Variants in WASF2 observed in about 807,000 individuals in gnomAD.
The protein encoded by WASF2 is WASP family member 2.
A neutral mutation model predicts 45.0 loss-of-function variants in WASF2; 14 were observed. The observed-to-expected ratio is 0.31, with a 90% confidence interval of 0.21 to 0.49. The LOEUF (loss-of-function observed/expected upper bound fraction) is 0.49. Among genes scored for constraint, WASF2 ranks in the 20% least tolerant of loss-of-function variants. WASF2 has a pLI of 0.99. For missense variants in WASF2, 439 were observed against 636.1 expected, an observed-to-expected ratio of 0.69 and a Z score of 3.33; for synonymous variants, 200 against 236.3, an observed-to-expected ratio of 0.85 and a Z score of 1.41.
intron 1 of WASF2, among the ~76,000 whole-genome samples, chr1:27,488,669 T>C (rs915702413): frequency 6.6e-6 from 1 of 152,242 alleles, no homozygotes; most frequent in African/African-American, 2.4e-5. Flanking sequence ...GCTGGACTTA[T>C]AATTAACCTT....
Position 27,408,350 on chromosome 1 carries a change from G to A in WASF2, c.1340-4C>T. On this transcript the variant is annotated splice_region_variant and splice_polypyrimidine_tract_variant and intron_variant, in intron 8 of 8. Transcript: ENST00000618852. The stretch of plus-strand genomic sequence containing the variant: ...TCAACCCTGCGCAGCTGAAAACCTA[G>A]TGGCAAAGAGACAGAAGGGTGAGGA... 1 of 1,614,186 alleles carries A rather than the reference G, an allele frequency of 6.2e-7. No individual in the cohort carries two copies. The highest frequency in any genetic ancestry group is 8.5e-7 in the Non-Finnish European group (1 of 1,180,018).
chr1:27,434,043 T>C (rs1210151675), intron 1 of WASF2, among the ~76,000 whole-genome samples: 3 of 152,208 alleles, frequency 2.0e-5, no homozygotes, highest in Non-Finnish European at 4.4e-5. Flanking sequence ...GGTCTTACCT[T>C]GGGAGATGTC....
chr1:27,485,940 G>A (rs2017917542), intron 1 of WASF2, among the ~76,000 whole-genome samples: 1 of 152,182 alleles, frequency 6.6e-6, no homozygotes, highest in African/African-American at 2.4e-5. Context: ...TCGAACTCCT[G>A]ACCTTGTGAT....
chr1:27,458,064 C>T (rs919308878), intron 1 of WASF2, among the ~76,000 whole-genome samples: 1 of 151,848 alleles, frequency 6.6e-6, no homozygotes, highest in African/African-American at 2.4e-5. Flanking sequence ...AATCCCAGCA[C>T]TTTGGGAGGC....
rs12048144 is a variant in WASF2, at chr1:27,412,975, C to T, written c.669-248G>A. Among the ~76,000 whole-genome samples the T allele has an allele frequency of 7.6e-3, 1,157 of 152,270 alleles. 115 individuals are homozygous for T. In the East Asian group the frequency reaches 0.21, roughly 27 times the overall value. On this transcript the variant is annotated intron_variant, in intron 6 of 8. Transcript: ENST00000618852. ...CAGGATTCAACCCAGATTATCAAAA[C>T]CATGCTGTTCCTTGCCCAGTGTTGG...
chr1:27,478,156 G>A (rs1228077228), intron 1 of WASF2, among the ~76,000 whole-genome samples: 1 of 151,140 alleles, frequency 6.6e-6, no homozygotes, highest in African/African-American at 2.4e-5. Context: ...GTTGCAGCGA[G>A]CCGAGATCCT....
intron 1 of WASF2, among the ~76,000 whole-genome samples, chr1:27,488,481 A>G (rs2017977320): frequency 6.6e-6 from 1 of 152,220 alleles, no homozygotes; most frequent in South Asian, 2.1e-4. Flanking sequence ...GAAGAAGCGA[A>G]TGGGCTGGCA....
intron 1 of WASF2, among the ~76,000 whole-genome samples, chr1:27,488,522 A>C (rs574520899): frequency 6.6e-6 from 1 of 152,304 alleles, no homozygotes; most frequent in Non-Finnish European, 1.5e-5. Flanking sequence ...GTCTATATAC[A>C]CCAATAGCTG....
chr1:27,414,720 TA>T lies in WASF2; in HGVS notation c.668+112del. On this transcript the variant is annotated intron_variant, in intron 6 of 8. Transcript: ENST00000618852. The surrounding 1 kb of genome is among the most constrained non-coding windows in gnomAD (Gnocchi z 4.1). The stretch of plus-strand genomic sequence containing the variant: ...TAGCTGATTAACAGTGGTATTGATC[TA>T]AGCCACAGAGACAGACTTCAGGGGG... The T allele has an allele frequency of 2.1e-6, 3 of 1,414,604 alleles. No individual in the cohort carries two copies. Among genetic ancestry groups the T allele is most frequent in the Non-Finnish European group, 2.9e-6 (3 of 1,044,412 alleles). The allele number at this position is 1,414,604 out of a possible 1,614,324, so 87.6% of individuals were successfully genotyped here. A position where few individuals can be genotyped will look rare whatever the true frequency, so the allele number is the denominator to read the frequency against.
intron 2 of WASF2, among the ~76,000 whole-genome samples, chr1:27,424,879 G>A (rs1331664211): frequency 6.6e-6 from 1 of 152,128 alleles, no homozygotes; most frequent in East Asian, 1.9e-4. Flanking sequence ...CATGTAACGG[G>A]AGCTCAGAGG....
intron 1 of WASF2, among the ~76,000 whole-genome samples, chr1:27,429,930 T>A (rs1239003775): frequency 1.3e-5 from 2 of 152,172 alleles, no homozygotes; most frequent in Admixed American, 6.5e-5. Context: ...GATTCCCTGG[T>A]GCTTTCTCTT....
intron 1 of WASF2, among the ~76,000 whole-genome samples, chr1:27,444,280 A>C (rs570530785): frequency 6.6e-6 from 1 of 152,062 alleles, no homozygotes; most frequent in East Asian, 1.9e-4. Flanking sequence ...GGGTCTTACT[A>C]TGTTGCCCTG....
At position 27,490,073 on chromosome 1, in the gene WASF2, C is replaced by A. The variant is rs535805067; in HGVS notation, c.-131G>T. 4 of 152,326 alleles carry A rather than the reference C, an allele frequency of 2.6e-5. No individual in the cohort carries two copies. Among genetic ancestry groups the A allele is most frequent in the African/African-American group, 9.6e-5 (4 of 41,572 alleles). 9.4% of individuals were successfully genotyped at this position (152,326 alleles called of 1,614,324 possible). A position where few individuals can be genotyped will look rare whatever the true frequency, so the allele number is the denominator to read the frequency against. ...GAGTGTGCTCCCGCGGACCGCCTCGCGGGCTGCCAAACGGCCGGACCCCCT... is the reference window on the plus strand; with the variant it reads ...GAGTGTGCTCCCGCGGACCGCCTCGAGGGCTGCCAAACGGCCGGACCCCCT... On this transcript the variant is annotated 5_prime_UTR_variant, in exon 1 of 9. Transcript: ENST00000618852.
At chr1:27,425,767 A>G (rs923234719) in intron 2 of WASF2, among the ~76,000 whole-genome samples, 1 of 139,858 alleles carries the variant, frequency 7.2e-6, no homozygotes, top group East Asian at 2.2e-4. Flanking sequence ...TGAACCTGTG[A>G]GGCAGAGCTT....
At chr1:27,487,599 T>C (rs1304333843) in intron 1 of WASF2, among the ~76,000 whole-genome samples, 1 of 99,806 alleles carries the variant, frequency 1.0e-5, no homozygotes, top group Admixed American at 1.6e-4. Flanking sequence ...TTTTATATAA[T>C]ATATAATATA....
At chr1:27,448,773 C>T (rs1371685442) in intron 1 of WASF2, among the ~76,000 whole-genome samples, 3 of 141,444 alleles carry the variant, frequency 2.1e-5, no homozygotes, top group Admixed American at 7.6e-5. Context: ...ACCTGTGAGG[C>T]GGAGGTAGCA....
At chr1:27,450,647 C>A (rs888692059) in intron 1 of WASF2, among the ~76,000 whole-genome samples, 3 of 151,998 alleles carry the variant, frequency 2.0e-5, no homozygotes, top group Admixed American at 6.6e-5. Flanking sequence ...ATTACAGGCA[C>A]GCGCCCCACG....
At chr1:27,430,062 G>T (rs975141555) in intron 1 of WASF2, among the ~76,000 whole-genome samples, 1 of 152,114 alleles carries the variant, frequency 6.6e-6, no homozygotes, top group Non-Finnish European at 1.5e-5. Flanking sequence ...TTTCTTATCC[G>T]GTGGGCTGAG....
chr1:27,441,647 C>T (rs1047474109), intron 1 of WASF2, among the ~76,000 whole-genome samples: 6 of 146,698 alleles, frequency 4.1e-5, no homozygotes, highest in Admixed American at 2.1e-4. Flanking sequence ...CCAGCTACTC[C>T]GGAGGCTGAG....
Sources: gnomAD v4.1 joint callset for allele counts (sites outside exome capture counted in the v4.1 genomes callset) on GRCh38, gnomAD v4.1.1 for gene constraint, Gnocchi (gnomAD v3.1) non-coding constraint, MANE v1.5 for transcripts, NCBI Gene and HGNC (gene_info 2026-07-23, HGNC 2026-07-21) for gene names.